KCTD19: variants seen among roughly 807,000 people sequenced by gnomAD.
KCTD19 encodes potassium channel tetramerization domain containing 19.
KCTD19 carries 67 observed loss-of-function variants against 103.5 expected under a neutral mutation model. The observed-to-expected ratio is 0.65, with a 90% confidence interval of 0.53 to 0.79. The LOEUF (loss-of-function observed/expected upper bound fraction) is 0.79. Among genes scored for constraint, KCTD19 ranks in the 30% least tolerant of loss-of-function variants. KCTD19 has a pLI of 0.00. For missense variants in KCTD19, 980 were observed against 1,136.1 expected, an observed-to-expected ratio of 0.86 and a Z score of 1.98; for synonymous variants, 439 against 452.2, an observed-to-expected ratio of 0.97 and a Z score of 0.37.
chr16:67,315,419 C>T (rs1386045041), intron 2 of KCTD19, among the ~76,000 whole-genome samples: 1 of 152,022 alleles, frequency 6.6e-6, no homozygotes, highest in Non-Finnish European at 1.5e-5. Flanking sequence ...GACACTCCTG[C>T]CTCAGCCTCC....
rs754281134 is a variant in KCTD19 at position 67,293,910 on chromosome 16, G to A, written c.1852C>T (p.Leu618Phe). 1 of 1,614,140 alleles carries A rather than the reference G, an allele frequency of 6.2e-7. No individual in the cohort carries two copies. The highest frequency in any genetic ancestry group is 1.6e-4 in the Middle Eastern group (1 of 6,062). The part of the protein sequence containing the change: ...PPKKKCTTIN[L>F]TQKSETKDPP... Reference sequence around the variant, plus strand: ...TCTTTGGTTTCAGATTTCTGTGTGAGGTTGATTGTGGTGCATTTCTTCTTT... The same window carrying A: ...TCTTTGGTTTCAGATTTCTGTGTGAAGTTGATTGTGGTGCATTTCTTCTTT... Residue 618 changes from leucine to phenylalanine, a missense_variant, in exon 12 of 16, where the codon CTC (leucine) becomes TTC (phenylalanine). Physicochemically the swap from Leu to Phe is conservative, Grantham distance 22. Transcript: ENST00000304372. The surrounding 1 kb of genome is among the most constrained non-coding windows in gnomAD (Gnocchi z 4.0).
intron 2 of KCTD19, among the ~76,000 whole-genome samples, chr16:67,309,890 T>G (rs1331523679): frequency 6.6e-6 from 1 of 152,196 alleles, no homozygotes; most frequent in East Asian, 1.9e-4. Context: ...TCCTGCTATT[T>G]CCAAGCATGT....
intron 2 of KCTD19, 96 bp from the exon 3 acceptor site, chr16:67,304,667 C>CTTTTT: frequency 1.2e-6 from 1 of 851,774 alleles, no homozygotes; most frequent in Non-Finnish European, 1.8e-6. Context: ...ATGTGACTTA[C>CTTTTT]TTTTTTTTTT....
intron 2 of KCTD19, among the ~76,000 whole-genome samples, chr16:67,309,630 C>T (rs2036929697): frequency 6.6e-6 from 1 of 152,186 alleles, no homozygotes; most frequent in East Asian, 1.9e-4. Flanking sequence ...ACAGATTCAA[C>T]CCCCAAGATT....
In KCTD19 at chr16:67,291,324, C is replaced by T; in HGVS notation, c.2550G>A (p.Leu850=). The change falls in exon 14 of 16, where the codon CTG becomes CTA. Residue 850 remains leucine, a synonymous_variant. Transcript: ENST00000304372. ...PKAITAKVVS[L]ANRLWTLHIS... ...TCACACATACCCACAGCCGATTGGCCAGGGAGACCACCTTGGCTGTGATGG... is the reference window on the plus strand; with the variant it reads ...TCACACATACCCACAGCCGATTGGCTAGGGAGACCACCTTGGCTGTGATGG... The T allele has an allele frequency of 1.2e-6, 2 of 1,613,608 alleles. No homozygotes were observed. Among genetic ancestry groups the T allele is most frequent in the South Asian group, 1.1e-5 (1 of 91,042 alleles).
rs772999460 is a variant in KCTD19 at position 67,290,270 on chromosome 16, C to T, written c.2668-588G>A. On this transcript the variant is annotated intron_variant, in intron 15 of 15. Coordinates refer to ENST00000304372, the MANE Select transcript of KCTD19 (RefSeq NM_001100915.3). ...TCGGCTCACTACAAGCTCCGCCTCCCGGGTTTACGCCATTCTCCTGCCTCA... is the reference window on the plus strand; with the variant it reads ...TCGGCTCACTACAAGCTCCGCCTCCTGGGTTTACGCCATTCTCCTGCCTCA... 1.3e-4 allele frequency among the ~76,000 whole-genome samples: 19 copies of T among 149,560 alleles called. No homozygotes were observed. In the East Asian group the frequency reaches 2.6e-3, roughly 20 times the overall value.
At chr16:67,314,846 G>T (rs2036991033) in intron 2 of KCTD19, among the ~76,000 whole-genome samples, 4 of 135,000 alleles carry the variant, frequency 3.0e-5, no homozygotes, top group African/African-American at 9.7e-5. Context: ...GAGAGAGAGA[G>T]AGAGAGAGAG....
chr16:67,292,084 C>T (rs1386647173), intron 12 of KCTD19, among the ~76,000 whole-genome samples: 8 of 152,170 alleles, frequency 5.3e-5, no homozygotes, highest in African/African-American at 9.6e-5. Flanking sequence ...AGGCTGGTCT[C>T]GAACTCCTGA....
chr16:67,299,670 C>T (rs979953462), intron 5 of KCTD19, 97 bp from the exon 6 acceptor site: 4 of 935,434 alleles, frequency 4.3e-6, no homozygotes, highest in African/African-American at 1.6e-5. Context: ...TCCATTGTAC[C>T]GAGGAGGCTC....
In KCTD19 at chr16:67,320,972, T is replaced by C; in HGVS notation, c.4-87A>G. On this transcript the variant is annotated intron_variant, in intron 1 of 15. Transcript: ENST00000304372. The surrounding 1 kb of genome is among the most constrained non-coding windows in gnomAD (Gnocchi z 4.0). ...AAAAGGTAGAAATAAACTATCTCTG[T>C]TTGCTGATGACATGATCTTGTATAT... The C allele has an allele frequency of 8.8e-7, 1 of 1,141,000 alleles. No individual in the cohort carries two copies. The highest frequency in any genetic ancestry group is 1.2e-6 in the Non-Finnish European group (1 of 811,146). 70.7% of individuals were successfully genotyped at this position (1,141,000 alleles called of 1,614,324 possible).
At chr16:67,313,739 C>A (rs1011709117) in intron 2 of KCTD19, among the ~76,000 whole-genome samples, 6 of 152,018 alleles carry the variant, frequency 3.9e-5, no homozygotes. Flanking sequence ...CAGGCGCATG[C>A]CACCATGCTC....
rs1567447030 is a variant in KCTD19 at position 67,293,588 on chromosome 16, GCT to G, written c.2172_2173del (p.Arg724SerfsTer21). ...CTTGCTCCAGTCCTTCAGGGTGCCA[GCT>G]CTTTTTGGGGGTAAGTATGGCTTGA... On this transcript the variant is annotated frameshift_variant, in exon 12 of 16. Coordinates refer to ENST00000304372, the MANE Select transcript of KCTD19 (RefSeq NM_001100915.3). LOFTEE classifies it high-confidence loss of function. The surrounding 1 kb of genome is among the most constrained non-coding windows in gnomAD (Gnocchi z 4.0). 6.2e-7 allele frequency: 1 copy of G among 1,614,064 alleles called. No individual in the cohort carries two copies.
chr16:67,314,863 A>AGG (rs1567453798), intron 2 of KCTD19, among the ~76,000 whole-genome samples: 1 of 144,398 alleles, frequency 6.9e-6, no homozygotes, highest in Non-Finnish European at 1.5e-5. Flanking sequence ...AGAGAGAGAG[A>AGG]GAGAGAGAGA....
rs1243458793 is a variant in KCTD19 at position 67,326,712 on chromosome 16, G to T, written c.-5C>A. 2 of 1,576,816 alleles carry T rather than the reference G, an allele frequency of 1.3e-6. No homozygotes were observed. The highest frequency in any genetic ancestry group is 3.4e-4 in the Middle Eastern group (2 of 5,952). ...CCAGAGCGGGCTCCGTACCATGGTC[G>T]CGGCTCCAGCAGCGGGCGGGCGGGC... On this transcript the variant is annotated 5_prime_UTR_variant, in exon 1 of 16. Transcript: ENST00000304372.
Position 67,293,574 on chromosome 16 carries a change from C to G in KCTD19, c.2188G>C (p.Asp730His). The change falls in exon 12 of 16, where the codon GAC becomes CAC. Residue 730 changes from aspartate (D) to histidine (H), a missense_variant. Coordinates refer to ENST00000304372, the MANE Select transcript of KCTD19 (RefSeq NM_001100915.3). This position sits in a 1 kb window ranked among gnomAD's most constrained non-coding sequence, Gnocchi z 4.0. ...TCCTTGGTCCTCTGCTTGCTCCAGT[C>G]CTTCAGGGTGCCAGCTCTTTTTGGG... ...LPPKRAGTLKDWSKQRTKERE... is the reference protein window; with the variant it reads ...LPPKRAGTLKHWSKQRTKERE... 6.2e-7 allele frequency: 1 copy of G among 1,614,118 alleles called. No homozygotes were observed. The highest frequency in any genetic ancestry group is 8.5e-7 in the Non-Finnish European group (1 of 1,180,028).
rs1211567223 is a variant in KCTD19 at position 67,323,229 on chromosome 16, T to C, written c.4-2344A>G. On this transcript the variant is annotated intron_variant, in intron 1 of 15. Transcript: ENST00000304372. The surrounding 1 kb of genome is among the most constrained non-coding windows in gnomAD (Gnocchi z 4.1). Reference sequence around the variant, plus strand: ...TACACTTAAGACAAATAAAGACATATGTCCACACCAAAATTTCTAGACTAA... The same window carrying C: ...TACACTTAAGACAAATAAAGACATACGTCCACACCAAAATTTCTAGACTAA... Among the ~76,000 whole-genome samples the C allele has an allele frequency of 6.6e-6, 1 of 152,176 alleles. No individual in the cohort carries two copies. The highest frequency in any genetic ancestry group is 1.5e-5 in the Non-Finnish European group (1 of 68,024).
In KCTD19 at chr16:67,294,636, G is replaced by A; in HGVS notation, c.1534C>T (p.His512Tyr). ...NEEAFSIRRL[H>Y]VVTEGPGSLV... ...GACCCTGGCCCTTCTGTCACCACAT[G>A]CAGCCTCCTGATGGAAAAAGCTTCT... Residue 512 changes from histidine to tyrosine, a missense_variant, in exon 11 of 16, where the codon CAT becomes TAT. His to Tyr is a moderately conservative substitution (Grantham distance 83). Transcript: ENST00000304372. 6.2e-7 allele frequency: 1 copy of A among 1,614,152 alleles called. No homozygotes were observed. The highest frequency in any genetic ancestry group is 8.5e-7 in the Non-Finnish European group (1 of 1,180,016).
chr16:67,291,777 A>T lies in KCTD19; in HGVS notation c.2279T>A (p.Ile760Asn), dbSNP rs779619195. Residue 760 changes from isoleucine (I) to asparagine (N), a missense_variant, in exon 13 of 16, where the codon ATC becomes AAC. Ile to Asn is a moderately radical substitution (Grantham distance 149, BLOSUM62 -3). Coordinates refer to ENST00000304372, the MANE Select transcript of KCTD19 (RefSeq NM_001100915.3). ...CACGGGGGGGTGAGTCACTTTGAGGATAACCCCTAGGCTGTCCACCTCACT... is the reference window on the plus strand; with the variant it reads ...CACGGGGGGGTGAGTCACTTTGAGGTTAACCCCTAGGCTGTCCACCTCACT... ...EASEVDSLGV[I>N]LKVTHPPVVG... 2 of 1,614,032 alleles carry T rather than the reference A, an allele frequency of 1.2e-6. No homozygotes were observed. The highest frequency in any genetic ancestry group is 1.7e-6 in the Non-Finnish European group (2 of 1,179,960).
intron 2 of KCTD19, among the ~76,000 whole-genome samples, chr16:67,313,311 T>A (rs1006892996): frequency 6.6e-6 from 1 of 152,122 alleles, no homozygotes; most frequent in Non-Finnish European, 1.5e-5. Flanking sequence ...GGTTTCACCA[T>A]GTTGGCCAGG....
Sources: gnomAD v4.1 joint callset for allele counts (sites outside exome capture counted in the v4.1 genomes callset) on GRCh38, gnomAD v4.1.1 for gene constraint, Gnocchi (gnomAD v3.1) non-coding constraint, MANE v1.5 for transcripts, NCBI Gene and HGNC (gene_info 2026-07-23, HGNC 2026-07-21) for gene names.